GLDC: variants seen among roughly 807,000 people sequenced by gnomAD.
GLDC encodes glycine dehydrogenase (decarboxylating), mitochondrial.
Under a neutral mutation model 121.3 loss-of-function variants are expected in GLDC, and 104 were observed. The observed-to-expected ratio is 0.86, with a 90% CI of 0.73 to 1.01. The LOEUF (loss-of-function observed/expected upper bound fraction) is 1.01, where lower values mean the gene tolerates loss of function less well. Ranked by LOEUF, GLDC falls within the 50% of genes least tolerant of loss-of-function variation. The probability of loss-of-function intolerance (pLI) is 0.00; values close to 1 mark genes in which losing one functional copy is unlikely to be tolerated. For missense variants in GLDC, 1,429 were observed against 1,306.6 expected (o/e 1.09, Z -1.44); for synonymous variants, 546 against 480.6 (o/e 1.14, Z -1.78).
intron 2 of GLDC, among the ~76,000 whole-genome samples, chr9:6,630,592 G>C (rs922379265): frequency 6.6e-6 from 1 of 152,206 alleles, no homozygotes; most frequent in Non-Finnish European, 1.5e-5. Context: ...TTCTCTGCTA[G>C]AGGGTAAGGG....
intron 14 of GLDC, 151 bp from the exon 15 acceptor site, chr9:6,587,434 A>T (rs1818293413): frequency 3.0e-6 from 2 of 672,898 alleles, no homozygotes; most frequent in Non-Finnish European, 5.2e-6. Context: ...GTTCCACCAC[A>T]ACCTTATAAG....
At chr9:6,625,782 G>A (rs867457876) in intron 2 of GLDC, among the ~76,000 whole-genome samples, 4 of 152,030 alleles carry the variant, frequency 2.6e-5, no homozygotes, top group Non-Finnish European at 4.4e-5. Context: ...CCACTGATAG[G>A]AAAGGTGGGG....
chr9:6,592,367 G>C (rs560050508), intron 10 of GLDC, 144 bp from the exon 11 acceptor site: 1 of 699,874 alleles, frequency 1.4e-6, no homozygotes, highest in South Asian at 1.5e-5. Context: ...CCACGCTAAG[G>C]CTTAGAGGAA....
chr9:6,599,070 G>C (rs1223121346), intron 8 of GLDC, among the ~76,000 whole-genome samples: 1 of 151,936 alleles, frequency 6.6e-6, no homozygotes, highest in Non-Finnish European at 1.5e-5. Flanking sequence ...TGTAATCCCA[G>C]CTACTCAGGA....
chr9:6,643,669 T>C (rs1021381743), intron 2 of GLDC, among the ~76,000 whole-genome samples: 2 of 151,908 alleles, frequency 1.3e-5, no homozygotes, highest in African/African-American at 4.8e-5. Context: ...TAAAATAAAA[T>C]TCTAAGAAAG....
chr9:6,591,363 G>A (rs1469158763), intron 11 of GLDC, among the ~76,000 whole-genome samples: 4 of 152,120 alleles, frequency 2.6e-5, no homozygotes, highest in African/African-American at 9.7e-5. Context: ...TCAGTCACCT[G>A]GATTCTAATC....
intron 3 of GLDC, among the ~76,000 whole-genome samples, chr9:6,618,128 A>T (rs1819002727): frequency 6.6e-6 from 1 of 152,222 alleles, no homozygotes; most frequent in Non-Finnish European, 1.5e-5. Flanking sequence ...ATTTGTTTCC[A>T]TGCTGGAAAT....
chr9:6,603,002 C>T (rs141080861), intron 7 of GLDC, among the ~76,000 whole-genome samples: 5,299 of 151,982 alleles, frequency 0.035, 299 homozygotes, highest in African/African-American at 0.12. Flanking sequence ...CCAAGGTGGG[C>T]GGATCACCTG....
At chr9:6,625,447 T>C (rs1454564928) in intron 2 of GLDC, among the ~76,000 whole-genome samples, 2 of 152,264 alleles carry the variant, frequency 1.3e-5, no homozygotes, top group South Asian at 2.1e-4. Flanking sequence ...TAAATGGACA[T>C]TGATGGGAGC....
At chr9:6,558,272 GAGA>G (rs1817677457) in intron 17 of GLDC, 4 of 594,614 alleles carry the variant, frequency 6.7e-6, no homozygotes, top group Admixed American at 3.0e-5. Flanking sequence ...TGGGGAAGGC[GAGA>G]AGGAGAGGGA....
At chr9:6,548,776 G>T (rs1189740266) in intron 21 of GLDC, among the ~76,000 whole-genome samples, 1 of 152,192 alleles carries the variant, frequency 6.6e-6, no homozygotes, top group African/African-American at 2.4e-5. Context: ...GCAAGGACTT[G>T]TACCTGGTTC....
At chr9:6,606,153 A>C (rs2129901608) in intron 5 of GLDC, 1 of 198,784 alleles carries the variant, frequency 5.0e-6, no homozygotes, top group Non-Finnish European at 1.0e-5. Context: ...TAAAAATAGA[A>C]AAAAAATTAG....
At chr9:6,553,951 A>G (rs1817565862) in intron 19 of GLDC, among the ~76,000 whole-genome samples, 1 of 152,150 alleles carries the variant, frequency 6.6e-6, no homozygotes, top group South Asian at 2.1e-4. Context: ...ACTAGAAATA[A>G]TCATCATCAA....
At chr9:6,534,470 G>T (rs1256693857) in intron 24 of GLDC, among the ~76,000 whole-genome samples, 3 of 151,534 alleles carry the variant, frequency 2.0e-5, no homozygotes, top group African/African-American at 7.3e-5. Flanking sequence ...CACTGGGCAG[G>T]ACTCGTATTC....
chr9:6,550,887 C>T lies in GLDC; in HGVS notation c.2485G>A (p.Ala829Thr). The change falls in exon 21 of 25, where the codon GCC becomes ACC. Residue 829 changes from alanine (A) to threonine (T), a missense_variant. By Grantham distance (58) the Ala-to-Thr change is moderately conservative. Transcript: ENST00000321612. Reference sequence around the variant, plus strand: ...GCATTTAATATCGCAGTTTCCGTGGCTTGTTTAAGACCCTTGCCTCCCATC... The same window carrying T: ...GCATTTAATATCGCAGTTTCCGTGGTTTGTTTAAGACCCTTGCCTCCCATC... Reference protein sequence around the residue: ...KMMGGKGLKQATETAILNANY... With the variant: ...KMMGGKGLKQTTETAILNANY... 1 of 1,612,886 alleles carries T rather than the reference C, an allele frequency of 6.2e-7. No individual in the cohort carries two copies. Among genetic ancestry groups the T allele is most frequent in the Non-Finnish European group, 8.5e-7 (1 of 1,178,914 alleles).
At chr9:6,613,238 T>G (rs1563861588) in intron 3 of GLDC, among the ~76,000 whole-genome samples, 2 of 152,222 alleles carry the variant, frequency 1.3e-5, no homozygotes, top group Non-Finnish European at 2.9e-5. Context: ...ATTGAGAAAA[T>G]AAAATCACTT....
chr9:6,608,594 A>C (rs1186325286), intron 4 of GLDC, among the ~76,000 whole-genome samples: 1 of 137,196 alleles, frequency 7.3e-6, no homozygotes, highest in Non-Finnish European at 1.6e-5. Context: ...CAAAAAAAAA[A>C]AATTAGCCGG....
chr9:6,629,952 TATATA>T (rs1819331222), intron 2 of GLDC, among the ~76,000 whole-genome samples: 3 of 89,180 alleles, frequency 3.4e-5, no homozygotes, highest in African/African-American at 2.2e-4. Context: ...TATGTATATA[TATATA>T]TTTTTTTTTT....
intron 21 of GLDC, chr9:6,540,621 T>C (rs2129665379): frequency 5.8e-6 from 1 of 173,000 alleles, no homozygotes; most frequent in South Asian, 1.3e-4. Flanking sequence ...TATGGATATA[T>C]TAAACATATA....
Sources: gnomAD v4.1 joint callset for allele counts (sites outside exome capture counted in the v4.1 genomes callset) on GRCh38, gnomAD v4.1.1 for gene constraint, MANE v1.5 for transcripts, NCBI Gene and HGNC (gene_info 2026-07-23, HGNC 2026-07-21) for gene names.